PYCR1: variants seen among roughly 807,000 people sequenced by gnomAD.
PYCR1 encodes pyrroline-5-carboxylate reductase 1, also known as pyrroline-5-carboxylate reductase 1, mitochondrial.
A neutral mutation model predicts 22.9 loss-of-function variants in PYCR1; 19 were observed. That is an observed-to-expected ratio of 0.83 (90% CI 0.58 to 1.22). PYCR1 has a LOEUF of 1.22. PYCR1 is among the 50% of genes most tolerant of loss of function. The probability of loss-of-function intolerance (pLI) is 0.00; values close to 1 mark genes in which losing one functional copy is unlikely to be tolerated. For synonymous variants in PYCR1, 175 were observed against 180.5 expected, an observed-to-expected ratio of 0.97 and a Z score of 0.24; for missense variants, 429 against 431.3, an observed-to-expected ratio of 0.99 and a Z score of 0.05.
intron 6 of PYCR1, 79 bp from the exon 7 acceptor site, chr17:81,933,455 GC>G: frequency 6.5e-7 from 1 of 1,545,852 alleles, no homozygotes; most frequent in Non-Finnish European, 8.8e-7. Flanking sequence ...AGCTCCCAGT[GC>G]CAGTCAGCCC....
Position 81,934,406 on chromosome 17 carries a change from G to A in PYCR1, c.717C>T (p.Ile239=), listed in dbSNP as rs745549446. ...CACTCTCCAGCACATGCAAGGCATG[G>A]ATGGTGGCCCCACCAGGAGAGCTGA... is the stretch of plus-strand genomic sequence containing the variant. The part of the protein sequence containing the change: ...DNVSSPGGAT[I]HALHVLESGG... The change falls in exon 6 of 7, where the codon ATC becomes ATT. Residue 239 remains isoleucine, a synonymous_variant. Coordinates refer to ENST00000329875, the MANE Select transcript of PYCR1 (RefSeq NM_006907.4). The A allele has an allele frequency of 5.0e-6, 8 of 1,612,178 alleles. No individual in the cohort carries two copies. In the African/African-American group the frequency reaches 8.0e-5, roughly 16 times the overall value.
rs1012297855 is a variant in PYCR1 at position 81,933,447 on chromosome 17, C to T, written c.798-71G>A. The T allele has an allele frequency of 3.8e-6, 6 of 1,571,170 alleles. No homozygotes were observed. The African/African-American group carries it at 8.1e-5, about 21-fold the overall frequency. On this transcript the variant is annotated intron_variant, in intron 6 of 6. Coordinates refer to ENST00000329875, the MANE Select transcript of PYCR1 (RefSeq NM_006907.4). ...CAGGAAGAGGGAGTGAAGCCCACAGCTCCCAGTGCCAGTCAGCCCTGGGCG... is the reference window on the plus strand; with the variant it reads ...CAGGAAGAGGGAGTGAAGCCCACAGTTCCCAGTGCCAGTCAGCCCTGGGCG...
At chr17:81,934,062 A>G (rs563455337) in intron 6 of PYCR1, among the ~76,000 whole-genome samples, 8 of 152,256 alleles carry the variant, frequency 5.3e-5, no homozygotes, top group Non-Finnish European at 1.0e-4. Context: ...ACTCCTAGCT[A>G]TGACAATGGT....
rs1203587725 is a variant in PYCR1, at chr17:81,934,909, TC to T, written c.540+16del. 6.2e-7 allele frequency: 1 copy of T among 1,609,322 alleles called. No individual in the cohort carries two copies. The highest frequency in any genetic ancestry group is 2.2e-5 in the East Asian group (1 of 44,844). ...CGGGAAGTGCCCGCCGCCGCCAGCT[TC>T]CCCCGCAGTCCTTACGTAGGCGGGG... is the stretch of plus-strand genomic sequence containing the variant. On this transcript the variant is annotated intron_variant, in intron 4 of 6. Coordinates refer to ENST00000329875, the MANE Select transcript of PYCR1 (RefSeq NM_006907.4).
chr17:81,935,452 A>C lies in PYCR1; in HGVS notation c.203T>G (p.Leu68Arg). 6.2e-7 allele frequency: 1 copy of C among 1,613,516 alleles called. No individual in the cohort carries two copies. The highest frequency in any genetic ancestry group is 8.5e-7 in the Non-Finnish European group (1 of 1,179,912). Reference sequence around the variant, plus strand: ...GGGGATGATGTGTGGCTTCACAGCCAGGAAGAGCACATCACTGTGCTGCAC... The same window carrying C: ...GGGGATGATGTGTGGCTTCACAGCCCGGAAGAGCACATCACTGTGCTGCAC... ...ETVQHSDVLF[L>R]AVKPHIIPFI... Residue 68 changes from leucine (L) to arginine (R), a missense_variant, in exon 3 of 7, where the codon CTG becomes CGG. By Grantham distance (102) the Leu-to-Arg change is moderately radical. Coordinates refer to ENST00000329875, the MANE Select transcript of PYCR1 (RefSeq NM_006907.4).
Position 81,933,048 on chromosome 17 carries a change from A to G in PYCR1, c.*166T>C. On this transcript the variant is annotated 3_prime_UTR_variant, in exon 7 of 7. Transcript: ENST00000329875. ...CTGGGCTGGGAAGCACTTGCAGACC[A>G]CAGAGATTTCCAGTGGGAAGTGATG... The G allele has an allele frequency of 2.5e-6, 4 of 1,577,946 alleles. No individual in the cohort carries two copies. The highest frequency in any genetic ancestry group is 3.4e-6 in the Non-Finnish European group (4 of 1,166,726).
In PYCR1 at chr17:81,932,894, G is replaced by GTGC. The variant is rs2041026525; in HGVS notation, c.*317_*319dup. 2 of 1,610,242 alleles carry GTGC rather than the reference G, an allele frequency of 1.2e-6. No individual in the cohort carries two copies. The highest frequency in any genetic ancestry group is 2.7e-5 in the African/African-American group (2 of 75,022). On this transcript the variant is annotated 3_prime_UTR_variant, in exon 7 of 7. Coordinates refer to ENST00000329875, the MANE Select transcript of PYCR1 (RefSeq NM_006907.4). ...GACCTTTGCTCTCAGGAAGGAGCCC[G>GTGC]TGCCAGCTGATACTGGAGTAGGAGT...
Position 81,936,768 on chromosome 17 carries a change from G to T in PYCR1, c.47C>A (p.Ala16Asp). The T allele has an allele frequency of 6.2e-7, 1 of 1,610,048 alleles. No homozygotes were observed. Among genetic ancestry groups the T allele is most frequent in the Non-Finnish European group, 8.5e-7 (1 of 1,179,012 alleles). Residue 16 changes from alanine (A) to aspartate (D), a missense_variant, in exon 1 of 7, where the codon GCC (alanine) becomes GAC (aspartate). Transcript: ENST00000329875. The stretch of plus-strand genomic sequence containing the variant: ...CCTACCTGCTGCTGTGAAGCCCTTG[G>T]CCAGGGCAAAAGCCAGCTGGCCAGC... ...IGAGQLAFAL[A>D]KGFTAAGVLA... is the part of the protein sequence containing the mutation.
At chr17:81,934,032 T>A (rs2041076851) in intron 6 of PYCR1, among the ~76,000 whole-genome samples, 1 of 152,196 alleles carries the variant, frequency 6.6e-6, no homozygotes, top group African/African-American at 2.4e-5. Flanking sequence ...CCCACTGGTG[T>A]GGCCCCTGGC....
At position 81,937,197 on chromosome 17, in the gene PYCR1, C is replaced by T; in HGVS notation, c.-383G>A. The T allele has an allele frequency of 6.8e-7, 1 of 1,476,416 alleles. No individual in the cohort carries two copies. The highest frequency in any genetic ancestry group is 1.4e-5 in the African/African-American group (1 of 70,374). The allele number at this position is 1,476,416 out of a possible 1,614,324, so 91.5% of individuals were successfully genotyped here. A position where few individuals can be genotyped will look rare whatever the true frequency, so the allele number is the denominator to read the frequency against. On this transcript the variant is annotated 5_prime_UTR_variant, in exon 1 of 7. Coordinates refer to ENST00000329875, the MANE Select transcript of PYCR1 (RefSeq NM_006907.4). ...TGGGCTACCGTCGCGCCCCACCCGG[C>T]GACCGCCGCCCACCATTCCCGGAGC...
Position 81,935,394 on chromosome 17 carries a change from C to T in PYCR1, c.261G>A (p.Glu87=), listed in dbSNP as rs138261889. 1.8e-3 allele frequency: 2,944 copies of T among 1,613,628 alleles called. 5 individuals carry two copies. Among genetic ancestry groups the T allele is most frequent in the Non-Finnish European group, 2.2e-3 (2,595 of 1,180,016 alleles). The change falls in exon 3 of 7, where the codon GAG becomes GAA. Residue 87 remains glutamate (E), a synonymous_variant. Coordinates refer to ENST00000329875, the MANE Select transcript of PYCR1 (RefSeq NM_006907.4). ...FILDEIGADI[E]DRHIVVSCAA... is the part of the protein sequence containing the mutation. ...CGCAGGACACCACAATGTGTCTGTC[C>T]TCAATGTCGGCGCCTATTTCATCCA...
intron 2 of PYCR1, 48 bp from the exon 3 acceptor site, chr17:81,935,564 C>A (rs1427264053): frequency 4.5e-6 from 7 of 1,542,224 alleles, no homozygotes; most frequent in Non-Finnish European, 5.3e-6. Context: ...GCTGTCTGTA[C>A]CCCCACCAAG....
At position 81,932,903 on chromosome 17, in the gene PYCR1, G is replaced by A; in HGVS notation, c.*311C>T. The A allele has an allele frequency of 6.2e-7, 1 of 1,611,368 alleles. No individual in the cohort carries two copies. The highest frequency in any genetic ancestry group is 8.5e-7 in the Non-Finnish European group (1 of 1,179,200). The stretch of plus-strand genomic sequence containing the variant: ...TCTCAGGAAGGAGCCCGTGCCAGCT[G>A]ATACTGGAGTAGGAGTGGGTGAAGA... On this transcript the variant is annotated 3_prime_UTR_variant, in exon 7 of 7. Transcript: ENST00000329875.
chr17:81,936,071 C>A (rs1162153326), intron 2 of PYCR1, 52 bp downstream of exon 2: 2 of 1,597,832 alleles, frequency 1.3e-6, no homozygotes, highest in Non-Finnish European at 1.7e-6. Context: ...CTGCCTCTCA[C>A]ACCCAGCCCC....
chr17:81,936,937 G>C lies in PYCR1; in HGVS notation c.-123C>G. The C allele has an allele frequency of 1.3e-6, 2 of 1,531,074 alleles. No individual in the cohort carries two copies. The highest frequency in any genetic ancestry group is 2.4e-5 in the South Asian group (2 of 83,624). The allele number at this position is 1,531,074 out of a possible 1,614,324, so 94.8% of individuals were successfully genotyped here. A position where few individuals can be genotyped will look rare whatever the true frequency, so the allele number is the denominator to read the frequency against. On this transcript the variant is annotated 5_prime_UTR_variant, in exon 1 of 7. Coordinates refer to ENST00000329875, the MANE Select transcript of PYCR1 (RefSeq NM_006907.4). ...GCCTGGCCGCTCCTCCCGCAGCCGG[G>C]TGCCCACCTCCCCTGGTCCCAGCTG...
chr17:81,933,235 C>T lies in PYCR1; in HGVS notation c.939G>A (p.Leu313=). The change falls in exon 7 of 7, where the codon CTG becomes CTA. Residue 313 remains leucine (L), a synonymous_variant. Transcript: ENST00000329875. ...CGTGTCAATCCTTGCCCGCTGGGGC[C>T]AGGCTGCGGGGGAGCAGCTTGGTGT... ...SGHTKLLPRS[L]APAGKD 2 of 1,614,032 alleles carry T rather than the reference C, an allele frequency of 1.2e-6. No individual in the cohort carries two copies. The highest frequency in any genetic ancestry group is 1.7e-6 in the Non-Finnish European group (2 of 1,180,012).
At chr17:81,935,871 C>T (rs180768167) in intron 2 of PYCR1, among the ~76,000 whole-genome samples, 55 of 152,282 alleles carry the variant, frequency 3.6e-4, no homozygotes, top group African/African-American at 1.2e-3. Context: ...ACCTGCCAGG[C>T]CCCCAGAGGA....
Position 81,936,086 on chromosome 17 carries a change from G to A in PYCR1, c.138+37C>T, listed in dbSNP as rs34419046. The A allele has an allele frequency of 0.93, 1,497,688 of 1,607,852 alleles. 710,410 individuals carry two copies. The highest frequency in any genetic ancestry group is 0.98 in the Non-Finnish European group (1,149,918 of 1,174,976). The stretch of plus-strand genomic sequence containing the variant: ...CTGCCTCTCACACCCAGCCCCACAG[G>A]GACTCAGTCTCCTTTCTCCCTTTCA... On this transcript the variant is annotated intron_variant, in intron 2 of 6. Coordinates refer to ENST00000329875, the MANE Select transcript of PYCR1 (RefSeq NM_006907.4).
chr17:81,932,827 G>A lies in PYCR1; in HGVS notation c.*387C>T, dbSNP rs925030578. 17 of 1,573,362 alleles carry A rather than the reference G, an allele frequency of 1.1e-5. No homozygotes were observed. Among genetic ancestry groups the A allele is most frequent in the East Asian group, 4.6e-5 (2 of 43,084 alleles). On this transcript the variant is annotated 3_prime_UTR_variant, in exon 7 of 7. Coordinates refer to ENST00000329875, the MANE Select transcript of PYCR1 (RefSeq NM_006907.4). ...GGGCAGGGAGGGGCCGGGAGGGGGC[G>A]TGGGATCCCACCTCTGCTGAGCCTT...
Sources: gnomAD v4.1 joint callset for allele counts (sites outside exome capture counted in the v4.1 genomes callset) on GRCh38, gnomAD v4.1.1 for gene constraint, MANE v1.5 for transcripts, NCBI Gene and HGNC (gene_info 2026-07-23, HGNC 2026-07-21) for gene names.